MEX3C: variants seen among roughly 807,000 people sequenced by gnomAD.
MEX3C encodes RNA-binding E3 ubiquitin-protein ligase MEX3C.
Under a neutral mutation model 35.5 loss-of-function variants are expected in MEX3C, and 15 were observed. That is an observed-to-expected ratio of 0.42 (90% CI 0.28 to 0.65). MEX3C has a LOEUF of 0.65. MEX3C is among the 30% of genes least tolerant of loss of function. The pLI is 0.20. For missense variants in MEX3C, 711 were observed against 842.8 expected (o/e 0.84, Z 1.94); for synonymous variants, 390 against 352.8 (o/e 1.11, Z -1.18).
At chr18:51,186,106 T>G (rs1166629688) in intron 1 of MEX3C, among the ~76,000 whole-genome samples, 1 of 152,186 alleles carries the variant, frequency 6.6e-6, no homozygotes, top group Non-Finnish European at 1.5e-5. Context: ...TTTTATCAAT[T>G]GTGAGATAAA....
chr18:51,176,486 C>A lies in MEX3C; in HGVS notation c.1845G>T (p.Glu615Asp). 1 of 1,613,998 alleles carries A rather than the reference C, an allele frequency of 6.2e-7. No individual in the cohort carries two copies. Among genetic ancestry groups the A allele is most frequent in the Non-Finnish European group, 8.5e-7 (1 of 1,179,886 alleles). ...KHDCVICFEN[E>D]VIAALVPCGH... is the part of the protein sequence containing the mutation. The stretch of plus-strand genomic sequence containing the variant: ...CACATGGAACTAGGGCAGCAATAAC[C>A]TCATTCTCAAAGCAAATCACACAGT... The change falls in exon 2 of 2, where the codon GAG (glutamate) becomes GAT (aspartate). Residue 615 changes from glutamate to aspartate, a missense_variant. Transcript: ENST00000406189.
intron 1 of MEX3C, among the ~76,000 whole-genome samples, chr18:51,185,236 G>A (rs1448233859): frequency 6.6e-6 from 1 of 152,212 alleles, no homozygotes; most frequent in East Asian, 1.9e-4. Flanking sequence ...AAAGGACTGA[G>A]TGTCCTTGCT....
At chr18:51,178,870 A>C (rs1477657516) in intron 1 of MEX3C, among the ~76,000 whole-genome samples, 1 of 151,850 alleles carries the variant, frequency 6.6e-6, no homozygotes, top group Admixed American at 6.6e-5. Context: ...CAAAAAAAAA[A>C]AAACCAAACA....
In MEX3C at chr18:51,197,224, G is replaced by A. The variant is rs1223281363; in HGVS notation, c.97C>T (p.Pro33Ser). 2 of 998,220 alleles carry A rather than the reference G, an allele frequency of 2.0e-6. No individual in the cohort carries two copies. Among genetic ancestry groups the A allele is most frequent in the African/African-American group, 3.5e-5 (2 of 56,752 alleles). 61.8% of individuals were successfully genotyped at this position (998,220 alleles called of 1,614,324 possible). A position where few individuals can be genotyped will look rare whatever the true frequency, so the allele number is the denominator to read the frequency against. Residue 33 changes from proline to serine, a missense_variant, in exon 1 of 2, where the codon CCG (proline) becomes TCG (serine). This residue lies in a region of MEX3C where 354 missense variants were observed against 311.6 expected (regional missense o/e 1.14). Transcript: ENST00000406189. The stretch of plus-strand genomic sequence containing the variant: ...AGCTCCGGGCCGCCCGAGGGCGGCG[G>A]CAGAGGCGGCGGTGGCGGCGGCGGC... ...PPPPPPPPPLPPPSGGPELEG... is the reference protein window; with the variant it reads ...PPPPPPPPPLSPPSGGPELEG...
chr18:51,177,230 CT>C lies in MEX3C; in HGVS notation c.1100del (p.Lys367ArgfsTer7). ...HTYIVTPSRD[K>X]EPVFEVTGMP... The stretch of plus-strand genomic sequence containing the variant: ...TCCCTGTCACTTCAAAGACAGGTTC[CT>C]TATCTCTGCTCGGAGTTACTATGTA... On this transcript the variant is annotated frameshift_variant, in exon 2 of 2. Coordinates refer to ENST00000406189, the MANE Select transcript of MEX3C (RefSeq NM_016626.5). LOFTEE classifies it high-confidence loss of function. This position sits in a 1 kb window ranked among gnomAD's most constrained non-coding sequence, Gnocchi z 4.2. The C allele has an allele frequency of 6.2e-7, 1 of 1,613,926 alleles. No homozygotes were observed. The highest frequency in any genetic ancestry group is 8.5e-7 in the Non-Finnish European group (1 of 1,179,888).
intron 1 of MEX3C, among the ~76,000 whole-genome samples, chr18:51,191,567 G>C (rs1912648328): frequency 6.6e-6 from 1 of 152,178 alleles, no homozygotes; most frequent in Non-Finnish European, 1.5e-5. Flanking sequence ...GTTGGTTCTA[G>C]TTCTATTACA....
At position 51,176,660 on chromosome 18, in the gene MEX3C, A is replaced by G; in HGVS notation, c.1671T>C (p.Ala557=). Residue 557 remains alanine (A), a synonymous_variant, in exon 2 of 2, where the codon GCT becomes GCC. Transcript: ENST00000406189. ...TFPESIEHPL[A]RRVRSDPPST... ...TAGGTGGGTCGCTCCTAACCCTCCG[A>G]GCAAGTGGATGTTCTATGCTCTCAG... The G allele has an allele frequency of 6.2e-7, 1 of 1,614,026 alleles. No individual in the cohort carries two copies. Among genetic ancestry groups the G allele is most frequent in the Non-Finnish European group, 8.5e-7 (1 of 1,179,892 alleles).
At chr18:51,178,336 CATATGT>C (rs981692166) in intron 1 of MEX3C, among the ~76,000 whole-genome samples, 1 of 151,284 alleles carries the variant, frequency 6.6e-6, no homozygotes, top group Non-Finnish European at 1.5e-5. Context: ...ATCTAAGACA[CATATGT>C]ATAACTTTAC....
intron 1 of MEX3C, among the ~76,000 whole-genome samples, chr18:51,187,889 GT>G (rs1363899408): frequency 3.3e-5 from 5 of 152,114 alleles, no homozygotes; most frequent in African/African-American, 1.2e-4. Flanking sequence ...ATAAAATACT[GT>G]ATTAAGGTGT....
chr18:51,196,641 C>G lies in MEX3C; in HGVS notation c.680G>C (p.Arg227Thr), dbSNP rs773284962. 3 of 1,582,064 alleles carry G rather than the reference C, an allele frequency of 1.9e-6. No homozygotes were observed. The South Asian group carries it at 3.4e-5, about 18-fold the overall frequency. The change falls in exon 1 of 2, where the codon AGA becomes ACA. Residue 227 changes from arginine (R) to threonine (T), a missense_variant. Arg to Thr is a moderately conservative substitution (Grantham distance 71). Around this residue, in one of 4 missense-constraint regions of MEX3C, gnomAD observed 354 missense variants for 311.6 expected, o/e 1.14. Coordinates refer to ENST00000406189, the MANE Select transcript of MEX3C (RefSeq NM_016626.5). Reference protein sequence around the residue: ...LNGEQAALLRRKSVNTTECVP... With the variant: ...LNGEQAALLRTKSVNTTECVP... Reference sequence around the variant, plus strand: ...GCACTCGGTGGTGTTGACGCTCTTTCTCCGGAGCAGGGCCGCCTGCTCCCC... The same window carrying G: ...GCACTCGGTGGTGTTGACGCTCTTTGTCCGGAGCAGGGCCGCCTGCTCCCC...
At position 51,196,767 on chromosome 18, in the gene MEX3C, C is replaced by CCCGCCGCCGCCGCCGCGG. The variant is rs1568236594; in HGVS notation, c.536_553dup (p.Ala179_Ala184dup). 2.0e-6 allele frequency: 3 copies of CCCGCCGCCGCCGCCGCGG among 1,475,526 alleles called. No homozygotes were observed. Among genetic ancestry groups the CCCGCCGCCGCCGCCGCGG allele is most frequent in the African/African-American group, 1.5e-5 (1 of 68,484 alleles). 91.4% of individuals were successfully genotyped at this position (1,475,526 alleles called of 1,614,324 possible). A position where few individuals can be genotyped will look rare whatever the true frequency, so the allele number is the denominator to read the frequency against. ...GGCATCGTCCCCTCCGTACAGCACC[C>CCCGCCGCCGCCGCCGCGG]CCGCCGCCGCCGCCGCGGCCGCCGC... On this transcript the variant is annotated inframe_insertion, in exon 1 of 2. Coordinates refer to ENST00000406189, the MANE Select transcript of MEX3C (RefSeq NM_016626.5).
rs1912859806 is a variant in MEX3C, at chr18:51,197,651, C to CGGA, written c.-332_-331insTCC. 6.6e-6 allele frequency among the ~76,000 whole-genome samples: 1 copy of CGGA among 150,412 alleles called. No homozygotes were observed. Among genetic ancestry groups the CGGA allele is most frequent in the African/African-American group, 2.5e-5 (1 of 40,812 alleles). ...AACCAGCCCCCGGCGCGCGCGGCGGCGGCGGCTACGCCCCACGCCGCTCTC... is the reference window on the plus strand; with the variant it reads ...AACCAGCCCCCGGCGCGCGCGGCGGCGGAGGCGGCTACGCCCCACGCCGCTCTC... On this transcript the variant is annotated 5_prime_UTR_variant, in exon 1 of 2. Coordinates refer to ENST00000406189, the MANE Select transcript of MEX3C (RefSeq NM_016626.5).
At chr18:51,190,394 T>C (rs1021774533) in intron 1 of MEX3C, among the ~76,000 whole-genome samples, 1 of 152,186 alleles carries the variant, frequency 6.6e-6, no homozygotes, top group Non-Finnish European at 1.5e-5. Flanking sequence ...TGGGAGATCT[T>C]TTCTAGTTGT....
In MEX3C at chr18:51,177,104, G is replaced by A. The variant is rs781690010; in HGVS notation, c.1227C>T (p.Tyr409=). Residue 409 remains tyrosine, a synonymous_variant, in exon 2 of 2, where the codon TAC becomes TAT. Coordinates refer to ENST00000406189, the MANE Select transcript of MEX3C (RefSeq NM_016626.5). The surrounding 1 kb of genome is among the most constrained non-coding windows in gnomAD (Gnocchi z 4.2). The part of the protein sequence containing the change: ...IELNEENDFH[Y]NGTDVSFEGG... ...CTTCAAAGCTTACATCGGTACCATTGTAATGGAAATCATTCTCTTCATTGA... is the reference window on the plus strand; with the variant it reads ...CTTCAAAGCTTACATCGGTACCATTATAATGGAAATCATTCTCTTCATTGA... The A allele has an allele frequency of 6.2e-7, 1 of 1,613,982 alleles. No individual in the cohort carries two copies. Among genetic ancestry groups the A allele is most frequent in the Non-Finnish European group, 8.5e-7 (1 of 1,179,896 alleles).
chr18:51,183,134 C>T (rs893494602), intron 1 of MEX3C, among the ~76,000 whole-genome samples: 1 of 152,186 alleles, frequency 6.6e-6, no homozygotes, highest in Non-Finnish European at 1.5e-5. Context: ...GCTCTATGGT[C>T]ACCTAAAGTA....
At chr18:51,182,514 A>T (rs1389991955) in intron 1 of MEX3C, among the ~76,000 whole-genome samples, 2 of 151,842 alleles carry the variant, frequency 1.3e-5, no homozygotes, top group African/African-American at 2.4e-5. Flanking sequence ...TAAATTCCCT[A>T]AAAAAAGAGT....
chr18:51,180,778 T>C (rs7227660), intron 1 of MEX3C, among the ~76,000 whole-genome samples: 21,985 of 152,206 alleles, frequency 0.14, 2,261 homozygotes, highest in African/African-American at 0.29. Context: ...CCATCGTGCC[T>C]GGCCACCAAC....
At chr18:51,191,656 T>C (rs1294624128) in intron 1 of MEX3C, among the ~76,000 whole-genome samples, 1 of 152,198 alleles carries the variant, frequency 6.6e-6, no homozygotes, top group Non-Finnish European at 1.5e-5. Flanking sequence ...CCAAATTAAT[T>C]TCAGATTTAC....
intron 1 of MEX3C, among the ~76,000 whole-genome samples, chr18:51,179,302 G>A (rs1174854459): frequency 3.3e-5 from 5 of 152,062 alleles, no homozygotes; most frequent in African/African-American, 4.8e-5. Flanking sequence ...GCACCTGGCC[G>A]ATGCTTTCTA....
Sources: gnomAD v4.1 joint callset for allele counts (sites outside exome capture counted in the v4.1 genomes callset) on GRCh38, gnomAD v4.1.1 for gene constraint, gnomAD v4.1.1 regional missense constraint, Gnocchi (gnomAD v3.1) non-coding constraint, MANE v1.5 for transcripts, NCBI Gene and HGNC (gene_info 2026-07-23, HGNC 2026-07-21) for gene names.